Variants in HAUS6 observed in about 807,000 individuals in gnomAD.
HAUS6 encodes HAUS augmin like complex subunit 6, also known as HAUS augmin-like complex subunit 6.
HAUS6 carries 80 observed loss-of-function variants against 106.8 expected under a neutral mutation model. The observed-to-expected ratio is 0.75, with a 90% confidence interval of 0.63 to 0.90. The LOEUF is 0.90. Among genes scored for constraint, HAUS6 ranks in the 40% least tolerant of loss-of-function variants. The pLI, the probability that HAUS6 is intolerant of heterozygous loss-of-function variation, is 0.00. For synonymous variants in HAUS6, 356 were observed against 379.1 expected (o/e 0.94, Z 0.71); for missense variants, 1,155 against 1,118.1 (o/e 1.03, Z -0.47).
At position 19,065,139 on chromosome 9, in the gene HAUS6, T is replaced by C. The variant is rs532827187; in HGVS notation, c.1377-1559A>G. Reference sequence around the variant, plus strand: ...TTTGAATGATTCTTGTGGAACCTTATAGCAGAGAACAATGGAAACATTCTG... The same window carrying C: ...TTTGAATGATTCTTGTGGAACCTTACAGCAGAGAACAATGGAAACATTCTG... On this transcript the variant is annotated intron_variant, in intron 12 of 16. Transcript: ENST00000380502. 3.9e-5 allele frequency: 6 copies of C among 152,358 alleles called. No homozygotes were observed. In the East Asian group the frequency reaches 1.2e-3, roughly 29 times the overall value. The allele number at this position is 152,358 out of a possible 1,614,324, so 9.4% of individuals were successfully genotyped here.
chr9:19,099,707 C>G lies in HAUS6; in HGVS notation c.128+2817G>C, dbSNP rs1019979014. On this transcript the variant is annotated intron_variant, in intron 1 of 16. Coordinates refer to ENST00000380502, the MANE Select transcript of HAUS6 (RefSeq NM_017645.5). ...AAATTTCTGGCCTCAAGCAATCTCC[C>G]ACCTCAGCCTTCTGAGTAGCTGGAT... Among the ~76,000 whole-genome samples the G allele has an allele frequency of 3.9e-5, 6 of 152,210 alleles. No homozygotes were observed. The East Asian group carries it at 1.2e-3, about 29-fold the overall frequency.
At chr9:19,090,228 A>T (rs947647125) in intron 4 of HAUS6, among the ~76,000 whole-genome samples, 2 of 151,744 alleles carry the variant, frequency 1.3e-5, no homozygotes, top group Admixed American at 6.6e-5. Flanking sequence ...ACAATTAAAA[A>T]TTTTCAGAGT....
chr9:19,076,747 T>A (rs1357738196), intron 10 of HAUS6, 43 bp from the exon 11 acceptor site: 1 of 837,792 alleles, frequency 1.2e-6, no homozygotes, highest in African/African-American at 1.7e-5. Flanking sequence ...ACATATTTGC[T>A]AACTACCACA....
chr9:19,063,240 GA>G, intron 13 of HAUS6, 47 bp from the exon 14 acceptor site: 1 of 1,245,162 alleles, frequency 8.0e-7, no homozygotes, highest in South Asian at 1.4e-5. Context: ...AATCATGGCT[GA>G]TCCTGAAGCT....
chr9:19,079,390 C>G (rs1186738714), intron 9 of HAUS6, among the ~76,000 whole-genome samples: 1 of 151,342 alleles, frequency 6.6e-6, no homozygotes, highest in Non-Finnish European at 1.5e-5. Context: ...CGCCACCACG[C>G]CTGGCTAATT....
chr9:19,082,996 T>A lies in HAUS6; in HGVS notation c.747A>T (p.Glu249Asp), dbSNP rs1837196485. Residue 249 changes from glutamate (E) to aspartate (D), a missense_variant, in exon 8 of 17, where the codon GAA becomes GAT. Physicochemically the swap from Glu to Asp is conservative, Grantham distance 45. Transcript: ENST00000380502. ...CCGAACTAACAACTTCTCTCTCTTT[T>A]TCCAAAAACATGAGCGTTTCATTCA... Reference protein sequence around the residue: ...ASVNETLMFLEKEREVVSSVL... With the variant: ...ASVNETLMFLDKEREVVSSVL... 6.3e-7 allele frequency: 1 copy of A among 1,591,530 alleles called. No homozygotes were observed.
chr9:19,091,856 T>G (rs940184910), intron 4 of HAUS6, among the ~76,000 whole-genome samples: 14 of 151,998 alleles, frequency 9.2e-5, no homozygotes, highest in Admixed American at 3.3e-4. Context: ...ATGACAGGGT[T>G]TCACCATGTT....
intron 10 of HAUS6, among the ~76,000 whole-genome samples, chr9:19,077,958 G>A (rs139320725): frequency 1.3e-5 from 2 of 152,102 alleles, no homozygotes; most frequent in Admixed American, 6.6e-5. Flanking sequence ...CTACTCAGAA[G>A]GCTGAGGTGG....
At position 19,102,668 on chromosome 9, in the gene HAUS6, G is replaced by C. The variant is rs200591613; in HGVS notation, c.-17C>G. The C allele has an allele frequency of 4.0e-5, 65 of 1,607,470 alleles. 1 individual carries two copies. The highest frequency in any genetic ancestry group is 5.4e-5 in the Non-Finnish European group (63 of 1,176,750). On this transcript the variant is annotated 5_prime_UTR_variant, in exon 1 of 17. Coordinates refer to ENST00000380502, the MANE Select transcript of HAUS6 (RefSeq NM_017645.5). ...CGAGCTCATCCTCGCGGTAGGCACG[G>C]TGGCTGCAAAGAAAGAAAGCGCAAG...
At chr9:19,056,429 T>A in intron 16 of HAUS6, 25 bp from the exon 17 acceptor site, 2 of 1,259,464 alleles carry the variant, frequency 1.6e-6, no homozygotes, top group Non-Finnish European at 2.3e-6. Context: ...TAAAAAAGTA[T>A]AAGCAAACAT....
intron 1 of HAUS6, among the ~76,000 whole-genome samples, chr9:19,102,196 A>C (rs1818003035): frequency 6.7e-6 from 1 of 149,128 alleles, no homozygotes; most frequent in Non-Finnish European, 1.5e-5. Context: ...ATGCTCTTCC[A>C]CTACCACCCG....
At chr9:19,089,796 T>C (rs1427171420) in intron 4 of HAUS6, 2 of 502,790 alleles carry the variant, frequency 4.0e-6, no homozygotes, top group African/African-American at 2.0e-5. Flanking sequence ...AAAGCTAGTA[T>C]ACCACAAACA....
chr9:19,069,864 G>A (rs1043341639), intron 12 of HAUS6, among the ~76,000 whole-genome samples: 2 of 152,140 alleles, frequency 1.3e-5, no homozygotes, highest in African/African-American at 2.4e-5. Flanking sequence ...GGGAGGCCCC[G>A]GCAGGAGGAT....
At chr9:19,062,931 G>T in intron 14 of HAUS6, 77 bp downstream of exon 14, 1 of 1,102,364 alleles carries the variant, frequency 9.1e-7, no homozygotes, top group Non-Finnish European at 1.3e-6. Context: ...CTCCCCAAGT[G>T]TTGGGATTAC....
chr9:19,060,087 C>G lies in HAUS6; in HGVS notation c.1765+1G>C. On this transcript the variant is annotated splice_donor_variant, in intron 15 of 16. Coordinates refer to ENST00000380502, the MANE Select transcript of HAUS6 (RefSeq NM_017645.5). LOFTEE classifies it high-confidence loss of function. ...AGTAACAGAAAGCATTATTAACTTA[C>G]TCAAGTTTTCTGGAGTACGGGGAAT... 1.2e-6 allele frequency: 2 copies of G among 1,605,972 alleles called. No individual in the cohort carries two copies. Among genetic ancestry groups the G allele is most frequent in the Non-Finnish European group, 1.7e-6 (2 of 1,175,638 alleles).
intron 12 of HAUS6, among the ~76,000 whole-genome samples, chr9:19,065,590 C>T (rs1836745166): frequency 6.6e-6 from 1 of 152,162 alleles, no homozygotes; most frequent in African/African-American, 2.4e-5. Flanking sequence ...CCTGTAATCC[C>T]ACCACTTTGG....
intron 11 of HAUS6, among the ~76,000 whole-genome samples, chr9:19,073,552 A>C (rs141687365): frequency 6.6e-6 from 1 of 152,114 alleles, no homozygotes; most frequent in African/African-American, 2.4e-5. Context: ...TCGAAGGGGT[A>C]AACTAATCCT....
chr9:19,099,017 C>CA (rs377024544), intron 1 of HAUS6, among the ~76,000 whole-genome samples: 27 of 90,618 alleles, frequency 3.0e-4, no homozygotes, highest in South Asian at 1.0e-3. Flanking sequence ...AACTCCATCT[C>CA]AAAAAAAAAA....
intron 15 of HAUS6, among the ~76,000 whole-genome samples, chr9:19,059,593 T>C (rs901085394): frequency 1.3e-5 from 2 of 152,220 alleles, no homozygotes; most frequent in Non-Finnish European, 2.9e-5. Context: ...ATGATGTGCC[T>C]ACCTAAGGAC....
Sources: allele counts gnomAD v4.1 joint callset (sites outside exome capture counted in the v4.1 genomes callset), GRCh38; gene constraint gnomAD v4.1.1; transcripts MANE v1.5; gene names NCBI Gene and HGNC (gene_info 2026-07-23, HGNC 2026-07-21).